Variants in XRN1 observed in about 807,000 individuals in gnomAD.
The protein encoded by XRN1 is 5'-3' exoribonuclease 1.
XRN1 carries 67 observed loss-of-function variants against 222.3 expected under a neutral mutation model. The ratio of observed to expected loss-of-function variants is 0.30; its 90% CI spans 0.25 to 0.37. The LOEUF (loss-of-function observed/expected upper bound fraction) is 0.37. Among genes scored for constraint, XRN1 ranks in the 10% least tolerant of loss-of-function variants. The pLI is 1.00. For synonymous variants in XRN1, 643 were observed against 652.4 expected (o/e 0.99, Z 0.22); for missense variants, 1,707 against 2,000.2 (o/e 0.85, Z 2.80).
chr3:142,357,965 G>C (rs774579714), intron 30 of XRN1, among the ~76,000 whole-genome samples: 25 of 152,172 alleles, frequency 1.6e-4, no homozygotes, highest in Non-Finnish European at 3.4e-4. Flanking sequence ...TTGAACCTGG[G>C]AGATGCAGGC....
chr3:142,328,710 T>C (rs1408753816), intron 37 of XRN1, among the ~76,000 whole-genome samples: 2 of 1,094 alleles, frequency 1.8e-3, no homozygotes, highest in Non-Finnish European at 6.3e-3. Flanking sequence ...ATATTATATA[T>C]ATATATATAT....
chr3:142,415,596 T>G (rs570937629), intron 13 of XRN1, among the ~76,000 whole-genome samples: 75 of 152,358 alleles, frequency 4.9e-4, no homozygotes, highest in African/African-American at 1.8e-3. Flanking sequence ...ATAACTTACA[T>G]TCACACTATT....
chr3:142,326,729 T>C (rs767805657), intron 37 of XRN1, among the ~76,000 whole-genome samples: 3 of 152,094 alleles, frequency 2.0e-5, no homozygotes, highest in Non-Finnish European at 4.4e-5. Context: ...AAGTATTTCA[T>C]TTTTCCCCCA....
intron 13 of XRN1, among the ~76,000 whole-genome samples, chr3:142,416,072 G>GA (rs773584318): frequency 2.0e-5 from 3 of 151,654 alleles, no homozygotes; most frequent in African/African-American, 7.3e-5. Flanking sequence ...CTGACAGAAC[G>GA]AGACTCTGTC....
chr3:142,369,593 A>G (rs1362498368), intron 27 of XRN1, among the ~76,000 whole-genome samples: 2 of 150,982 alleles, frequency 1.3e-5, no homozygotes, highest in Non-Finnish European at 3.0e-5. Context: ...GGTTGCAGTG[A>G]GCCGAGATCA....
intron 2 of XRN1, among the ~76,000 whole-genome samples, chr3:142,431,637 T>C (rs971837810): frequency 4.0e-5 from 6 of 150,544 alleles, no homozygotes; most frequent in African/African-American, 4.9e-5. Context: ...GCCAACGTGG[T>C]GAAACTCCGT....
chr3:142,343,879 T>A (rs542738584), intron 33 of XRN1, among the ~76,000 whole-genome samples: 1 of 152,136 alleles, frequency 6.6e-6, no homozygotes, highest in African/African-American at 2.4e-5. Context: ...GTGGTACATA[T>A]ACACAATGGA....
chr3:142,328,121 T>C (rs2065571898), intron 37 of XRN1, among the ~76,000 whole-genome samples: 1 of 152,248 alleles, frequency 6.6e-6, no homozygotes, highest in Admixed American at 6.5e-5. Context: ...TGACTAGTGC[T>C]GCAATATACA....
rs568436132 is a variant in XRN1, at chr3:142,424,601, G to A, written c.627+621C>T. ...GGTTAATTTCTGTTTTAGGTGGGAT[G>A]ATGGCATTGTGGTTATATATTTTTT... On this transcript the variant is annotated intron_variant, in intron 5 of 40. Transcript: ENST00000392981. Among the ~76,000 whole-genome samples, 4 of 152,266 alleles carry A rather than the reference G, an allele frequency of 2.6e-5. No homozygotes were observed. In the South Asian group the frequency reaches 8.3e-4, roughly 32 times the overall value.
At chr3:142,388,903 T>C (rs180695748) in intron 20 of XRN1, among the ~76,000 whole-genome samples, 20 of 152,328 alleles carry the variant, frequency 1.3e-4, no homozygotes, top group Non-Finnish European at 2.1e-4. Context: ...ACTTTCATTG[T>C]TCATCTATAA....
At chr3:142,336,977 A>C (rs1186534102) in intron 33 of XRN1, among the ~76,000 whole-genome samples, 3 of 152,188 alleles carry the variant, frequency 2.0e-5, no homozygotes, top group Non-Finnish European at 4.4e-5. Context: ...TATAGCACTT[A>C]CCAAACTGAA....
chr3:142,365,953 T>C (rs16852298), intron 27 of XRN1, among the ~76,000 whole-genome samples: 1,920 of 152,236 alleles, frequency 0.013, 45 homozygotes, highest in African/African-American at 0.043. Flanking sequence ...AAAATTATGG[T>C]GGCATTCATT....
At chr3:142,382,044 G>C (rs1011088947) in intron 22 of XRN1, among the ~76,000 whole-genome samples, 3 of 152,158 alleles carry the variant, frequency 2.0e-5, no homozygotes, top group African/African-American at 7.2e-5. Context: ...CCTCCAAAGG[G>C]TATTACATCT....
At chr3:142,410,684 C>T (rs1270055802) in intron 15 of XRN1, among the ~76,000 whole-genome samples, 3 of 151,632 alleles carry the variant, frequency 2.0e-5, no homozygotes, top group African/African-American at 4.8e-5. Context: ...TTAGTGGAGA[C>T]GAGATTTAAT....
intron 23 of XRN1, among the ~76,000 whole-genome samples, chr3:142,377,442 A>C (rs1005494155): frequency 7.2e-5 from 11 of 152,192 alleles, no homozygotes; most frequent in Non-Finnish European, 1.3e-4. Context: ...CTCAAATATA[A>C]GTAGCAACAC....
intron 39 of XRN1, among the ~76,000 whole-genome samples, chr3:142,316,329 G>A (rs930411404): frequency 2.0e-5 from 3 of 147,456 alleles, no homozygotes; most frequent in East Asian, 2.1e-4. Flanking sequence ...TTATCCTCCC[G>A]CCTCAGCCTC....
chr3:142,432,034 CTT>C (rs2069623582), intron 2 of XRN1, among the ~76,000 whole-genome samples: 1 of 79,846 alleles, frequency 1.3e-5, no homozygotes, highest in African/African-American at 5.7e-5. Flanking sequence ...TATATATAAT[CTT>C]TTTGAGACGG....
In XRN1 at chr3:142,312,590, T is replaced by G; in HGVS notation, c.4782+8A>C. On this transcript the variant is annotated splice_region_variant and intron_variant, in intron 40 of 40. Transcript: ENST00000392981. ...AAATAATTATCTTAAAAATATTATT[T>G]TTCTTACCTGCAGAGGTATAAACTG... The G allele has an allele frequency of 1.3e-6, 2 of 1,535,614 alleles. No homozygotes were observed. Among genetic ancestry groups the G allele is most frequent in the South Asian group, 2.5e-5 (2 of 78,508 alleles).
intron 25 of XRN1, among the ~76,000 whole-genome samples, chr3:142,372,591 T>A (rs1472089602): frequency 6.6e-6 from 1 of 152,180 alleles, no homozygotes; most frequent in African/African-American, 2.4e-5. Context: ...TTGCGGCTGT[T>A]GTGGGAAGGG....
Sources: gnomAD v4.1 joint callset for allele counts (sites outside exome capture counted in the v4.1 genomes callset) on GRCh38, gnomAD v4.1.1 for gene constraint, MANE v1.5 for transcripts, NCBI Gene and HGNC (gene_info 2026-07-23, HGNC 2026-07-21) for gene names.